Variants in CDKAL1 observed in about 807,000 individuals in gnomAD.
The protein encoded by CDKAL1 is threonylcarbamoyladenosine tRNA methylthiotransferase.
In CDKAL1, 32 loss-of-function variants were observed where a neutral mutation model predicts 68.2. That is an observed-to-expected ratio of 0.47 (90% CI 0.35 to 0.63). The LOEUF (loss-of-function observed/expected upper bound fraction) is 0.63, where lower values mean the gene tolerates loss of function less well. Among genes scored for constraint, CDKAL1 ranks in the 30% least tolerant of loss-of-function variants. The pLI is 0.00. For missense variants in CDKAL1, 606 were observed against 696.7 expected, an observed-to-expected ratio of 0.87 and a Z score of 1.47; for synonymous variants, 234 against 244.3, an observed-to-expected ratio of 0.96 and a Z score of 0.39.
chr6:21,218,423 T>G (rs919279996), intron 15 of CDKAL1, among the ~76,000 whole-genome samples: 8 of 152,244 alleles, frequency 5.3e-5, no homozygotes, highest in Non-Finnish European at 8.8e-5. Context: ...CCTCACAGTT[T>G]CTGTGGGTCA....
intron 10 of CDKAL1, among the ~76,000 whole-genome samples, chr6:20,977,602 G>A (rs769980879): frequency 7.9e-5 from 12 of 152,276 alleles, no homozygotes; most frequent in Non-Finnish European, 1.2e-4. Context: ...GCTGGGCATG[G>A]TGCTTCATGC....
At chr6:20,562,639 G>A (rs1297936132) in intron 4 of CDKAL1, among the ~76,000 whole-genome samples, 1 of 152,006 alleles carries the variant, frequency 6.6e-6, no homozygotes, top group Non-Finnish European at 1.5e-5. Flanking sequence ...CTACTCGGGA[G>A]GCTGAGGCAG....
intron 13 of CDKAL1, among the ~76,000 whole-genome samples, chr6:21,124,024 GT>G (rs1313918897): frequency 3.3e-5 from 5 of 152,144 alleles, no homozygotes; most frequent in Non-Finnish European, 7.4e-5. Flanking sequence ...ACATTCACTA[GT>G]TCTCACTTCA....
intron 4 of CDKAL1, among the ~76,000 whole-genome samples, chr6:20,619,885 A>G (rs2069013): frequency 0.038 from 5,749 of 152,254 alleles, 129 homozygotes; most frequent in Middle Eastern, 0.078. Flanking sequence ...CCTATTTTCT[A>G]TATGTATTCA....
chr6:21,183,349 A>G (rs1777871551), intron 13 of CDKAL1, among the ~76,000 whole-genome samples: 1 of 152,116 alleles, frequency 6.6e-6, no homozygotes, highest in African/African-American at 2.4e-5. Flanking sequence ...GGCTGGCAGT[A>G]CGCCCACCAG....
chr6:20,896,103 C>CTTTTT (rs777787310), intron 9 of CDKAL1, among the ~76,000 whole-genome samples: 48 of 90,112 alleles, frequency 5.3e-4, no homozygotes, highest in African/African-American at 1.1e-3. Context: ...CTTTTCTTTT[C>CTTTTT]TTTTTTTTTT....
intron 5 of CDKAL1, among the ~76,000 whole-genome samples, chr6:20,697,855 T>A (rs1421364204): frequency 1.3e-5 from 2 of 152,190 alleles, no homozygotes; most frequent in Non-Finnish European, 2.9e-5. Context: ...TATCTCCTGG[T>A]ATGGGTTTCT....
intron 8 of CDKAL1, among the ~76,000 whole-genome samples, chr6:20,834,299 G>A (rs756408347): frequency 3.3e-5 from 5 of 152,118 alleles, no homozygotes; most frequent in Non-Finnish European, 7.3e-5. Context: ...TTGCCTTTAG[G>A]CTACATCTCA....
chr6:20,573,883 A>G (rs1254426203), intron 4 of CDKAL1, among the ~76,000 whole-genome samples: 2 of 152,172 alleles, frequency 1.3e-5, no homozygotes, highest in African/African-American at 4.8e-5. Context: ...TGAGCAGAGT[A>G]TGCCACTTGG....
At chr6:21,029,664 G>A (rs147533591) in intron 11 of CDKAL1, among the ~76,000 whole-genome samples, 40 of 152,174 alleles carry the variant, frequency 2.6e-4, no homozygotes, top group African/African-American at 7.5e-4. Context: ...GAAAGTGGGC[G>A]AAGGATATGA....
chr6:21,104,869 T>G (rs547453928), intron 12 of CDKAL1, among the ~76,000 whole-genome samples: 1 of 152,354 alleles, frequency 6.6e-6, no homozygotes, highest in South Asian at 2.1e-4. Flanking sequence ...AATCAAAACC[T>G]ACATTAAGTC....
intron 11 of CDKAL1, among the ~76,000 whole-genome samples, chr6:21,012,310 AG>A (rs929855679): frequency 6.6e-6 from 1 of 152,186 alleles, no homozygotes; most frequent in African/African-American, 2.4e-5. Flanking sequence ...GAGATGAAAT[AG>A]TGGGGAGCAA....
intron 4 of CDKAL1, among the ~76,000 whole-genome samples, chr6:20,572,430 G>A (rs1330132819): frequency 6.6e-6 from 1 of 152,072 alleles, no homozygotes; most frequent in African/African-American, 2.4e-5. Flanking sequence ...ATATTAATAT[G>A]GCATGTCTGG....
chr6:21,101,558 A>G (rs936646522), intron 12 of CDKAL1, among the ~76,000 whole-genome samples: 3 of 152,110 alleles, frequency 2.0e-5, no homozygotes, highest in South Asian at 4.1e-4. Context: ...CCCTCACTCT[A>G]CATTCTCCCT....
At chr6:20,556,790 C>A (rs1764060088) in intron 4 of CDKAL1, among the ~76,000 whole-genome samples, 1 of 152,058 alleles carries the variant, frequency 6.6e-6, no homozygotes, top group African/African-American at 2.4e-5. Flanking sequence ...GTAATCCCAG[C>A]ACTTTGGGAG....
chr6:20,803,656 G>C (rs1029358618), intron 8 of CDKAL1, among the ~76,000 whole-genome samples: 1 of 152,096 alleles, frequency 6.6e-6, no homozygotes, highest in African/African-American at 2.4e-5. Context: ...TGAGGCATAG[G>C]GACAAGATAG....
chr6:21,014,784 A>G (rs577127368), intron 11 of CDKAL1, among the ~76,000 whole-genome samples: 27 of 152,276 alleles, frequency 1.8e-4, no homozygotes, highest in African/African-American at 6.5e-4. Context: ...CAAAGTTTTC[A>G]TTTTTAAAAA....
chr6:20,632,280 C>T (rs959164289), intron 4 of CDKAL1, among the ~76,000 whole-genome samples: 1 of 152,162 alleles, frequency 6.6e-6, no homozygotes, highest in Non-Finnish European at 1.5e-5. Flanking sequence ...GATCGTGTGG[C>T]TGACTGGGAG....
At chr6:20,972,654 T>C (rs924605708) in intron 10 of CDKAL1, among the ~76,000 whole-genome samples, 4 of 152,158 alleles carry the variant, frequency 2.6e-5, no homozygotes, top group Admixed American at 1.3e-4. Flanking sequence ...GGAACGTGGG[T>C]CATCAGTGAA....
Sources: gnomAD v4.1 joint callset for allele counts (sites outside exome capture counted in the v4.1 genomes callset) on GRCh38, gnomAD v4.1.1 for gene constraint, MANE v1.5 for transcripts, NCBI Gene and HGNC (gene_info 2026-07-23, HGNC 2026-07-21) for gene names.